Variants in CLVS1 observed in about 807,000 individuals in gnomAD.
The protein encoded by CLVS1 is clavesin 1.
A neutral mutation model predicts 33.1 loss-of-function variants in CLVS1; 10 were observed. That is an observed-to-expected ratio of 0.30 (90% CI 0.19 to 0.51). The LOEUF (loss-of-function observed/expected upper bound fraction) is 0.51, where lower values mean the gene tolerates loss of function less well. CLVS1 is among the 20% of genes least tolerant of loss of function. The pLI, the probability that CLVS1 is intolerant of heterozygous loss-of-function variation, is 0.97. For synonymous variants in CLVS1, 163 were observed against 166.1 expected (o/e 0.98, Z 0.14); for missense variants, 343 against 433.4 (o/e 0.79, Z 1.85).
chr8:61,225,146 A>G (rs1327857305), intron 2 of CLVS1, among the ~76,000 whole-genome samples: 3 of 151,996 alleles, frequency 2.0e-5, no homozygotes, highest in Non-Finnish European at 4.4e-5. Flanking sequence ...GTGAAGCCCC[A>G]TTTCTACTAA....
intron 2 of CLVS1, among the ~76,000 whole-genome samples, chr8:61,277,643 G>A (rs1466194492): frequency 6.6e-6 from 1 of 151,990 alleles, no homozygotes; most frequent in African/African-American, 2.4e-5. Flanking sequence ...GGGGGGGTAG[G>A]GAAGAAATAA....
chr8:61,324,605 G>A (rs1811312419), intron 2 of CLVS1, among the ~76,000 whole-genome samples: 1 of 152,106 alleles, frequency 6.6e-6, no homozygotes. Flanking sequence ...GAACAGTTTG[G>A]AGGGCTCAGA....
At chr8:61,144,590 T>A (rs1230602980) in intron 2 of CLVS1, among the ~76,000 whole-genome samples, 1 of 152,154 alleles carries the variant, frequency 6.6e-6, no homozygotes, top group Non-Finnish European at 1.5e-5. Flanking sequence ...GATTTCTGGG[T>A]CAAATGGTAT....
intron 5 of CLVS1, among the ~76,000 whole-genome samples, chr8:61,487,202 G>T (rs150695999): frequency 6.6e-6 from 1 of 152,148 alleles, no homozygotes; most frequent in Admixed American, 6.5e-5. Flanking sequence ...GAGTGTAGTC[G>T]TTTCCCACAT....
chr8:61,388,372 C>A (rs1814168721), intron 3 of CLVS1, among the ~76,000 whole-genome samples: 1 of 150,178 alleles, frequency 6.7e-6, no homozygotes, highest in African/African-American at 2.4e-5. Context: ...GTCAGTATGA[C>A]AACACCTTGA....
At chr8:61,313,311 G>A (rs1810902958) in intron 2 of CLVS1, among the ~76,000 whole-genome samples, 1 of 152,158 alleles carries the variant, frequency 6.6e-6, no homozygotes, top group Non-Finnish European at 1.5e-5. Context: ...GAAAGAGCTT[G>A]CCAAGCTGGG....
chr8:61,333,263 G>A (rs1192332658), intron 2 of CLVS1, among the ~76,000 whole-genome samples: 1 of 152,140 alleles, frequency 6.6e-6, no homozygotes, highest in African/African-American at 2.4e-5. Flanking sequence ...GTGGCAAATA[G>A]GTAAACACCA....
At chr8:61,105,157 T>C (rs1216696102) in intron 1 of CLVS1, among the ~76,000 whole-genome samples, 1 of 152,224 alleles carries the variant, frequency 6.6e-6, no homozygotes, top group Non-Finnish European at 1.5e-5. Context: ...AAAGACTAAC[T>C]ATATTTGAGA....
At chr8:61,100,050 C>G (rs988766622) in intron 1 of CLVS1, among the ~76,000 whole-genome samples, 1 of 152,154 alleles carries the variant, frequency 6.6e-6, no homozygotes, top group Non-Finnish European at 1.5e-5. Context: ...TTTCACTCTC[C>G]AAAGGTGTTA....
At chr8:61,490,909 C>T (rs558509614) in intron 5 of CLVS1, among the ~76,000 whole-genome samples, 7 of 149,884 alleles carry the variant, frequency 4.7e-5, no homozygotes, top group South Asian at 2.1e-4. Flanking sequence ...TACAGTGAGC[C>T]GAGATCGCAC....
chr8:61,496,389 G>T (rs1804266576), intron 5 of CLVS1, among the ~76,000 whole-genome samples: 1 of 152,168 alleles, frequency 6.6e-6, no homozygotes, highest in South Asian at 2.1e-4. Context: ...TCTCTTGGTT[G>T]TCTTCATGCT....
chr8:61,426,881 C>T (rs1401429160), intron 3 of CLVS1, among the ~76,000 whole-genome samples: 1 of 152,118 alleles, frequency 6.6e-6, no homozygotes, highest in Non-Finnish European at 1.5e-5. Flanking sequence ...TACACAGGCC[C>T]TTAGTATTTG....
At chr8:60,998,873 CT>C in the CLVS1 span, among the ~76,000 whole-genome samples, 1 of 152,162 alleles carries the variant, frequency 6.6e-6, no homozygotes, top group African/African-American at 2.4e-5. Flanking sequence ...CTGGGATTTT[CT>C]TTCTTCTTTT....
chr8:61,233,252 G>C lies in CLVS1; in HGVS notation c.-151-66425G>C, dbSNP rs115268551. 6.2e-3 allele frequency among the ~76,000 whole-genome samples: 946 copies of C among 152,228 alleles called. 6 individuals are homozygous for C. Among genetic ancestry groups the C allele is most frequent in the African/African-American group, 0.021 (884 of 41,552 alleles). ...GAGTGTGTAATTTTGTGTTCCAATA[G>C]GTAAATGAGAATTTTCAGGGCATCG... On this transcript the variant is annotated intron_variant, in intron 2 of 2. Coordinates refer to the CLVS1 transcript ENST00000522621.
intron 1 of CLVS1, among the ~76,000 whole-genome samples, chr8:61,082,991 A>AT (rs1491013688): frequency 9.2e-4 from 1 of 1,082 alleles, no homozygotes; most frequent in African/African-American, 8.6e-3. Context: ...TCTTAAACAT[A>AT]AAAAAAAAGA....
At chr8:61,396,927 C>T (rs1814550735) in intron 3 of CLVS1, among the ~76,000 whole-genome samples, 1 of 152,058 alleles carries the variant, frequency 6.6e-6, no homozygotes, top group Non-Finnish European at 1.5e-5. Context: ...CTTTTTTATT[C>T]ATTTGTCAGT....
intron 1 of CLVS1, among the ~76,000 whole-genome samples, chr8:61,073,744 G>T (rs937900468): frequency 6.6e-6 from 1 of 152,086 alleles, no homozygotes; most frequent in African/African-American, 2.4e-5. Flanking sequence ...CGGGCGCAGT[G>T]GCTCACACCT....
chr8:61,489,108 A>G (rs1452877001), intron 5 of CLVS1, among the ~76,000 whole-genome samples: 1 of 152,220 alleles, frequency 6.6e-6, no homozygotes, highest in Non-Finnish European at 1.5e-5. Context: ...TATAACCTAT[A>G]CATTCTTAGA....
chr8:61,010,751 T>G, the CLVS1 span, among the ~76,000 whole-genome samples: 1 of 152,232 alleles, frequency 6.6e-6, no homozygotes, highest in Non-Finnish European at 1.5e-5. Flanking sequence ...CTACCAGCTC[T>G]CCTGGCCCCA....
Sources: allele counts gnomAD v4.1 joint callset (sites outside exome capture counted in the v4.1 genomes callset), GRCh38; gene constraint gnomAD v4.1.1; transcripts MANE v1.5; gene names NCBI Gene and HGNC (gene_info 2026-07-23, HGNC 2026-07-21).